The following FAM20C variants were observed in gnomAD, a reference collection of about 807,000 sequenced individuals.
The protein encoded by FAM20C is extracellular serine/threonine protein kinase FAM20C.
FAM20C carries 40 observed loss-of-function variants against 51.5 expected under a neutral mutation model. The ratio of observed to expected loss-of-function variants is 0.78; its 90% confidence interval spans 0.60 to 1.01. FAM20C has a LOEUF of 1.01. Among genes scored for constraint, FAM20C ranks in the 50% least tolerant of loss-of-function variants. The pLI, the probability that FAM20C is intolerant of heterozygous loss-of-function variation, is 0.00. For missense variants in FAM20C, 861 were observed against 844.7 expected (o/e 1.02, Z -0.24); for synonymous variants, 406 against 380.6 (o/e 1.07, Z -0.78).
intron 2 of FAM20C, among the ~76,000 whole-genome samples, chr7:200,435 G>C (rs1354836812): frequency 6.6e-6 from 1 of 152,196 alleles, no homozygotes; most frequent in South Asian, 2.1e-4. Flanking sequence ...AGCTCAGTCC[G>C]CACTCAACTC....
chr7:233,354 C>T (rs1350600472), intron 3 of FAM20C, among the ~76,000 whole-genome samples: 2 of 152,224 alleles, frequency 1.3e-5, no homozygotes, highest in African/African-American at 4.8e-5. Flanking sequence ...AATTTCACAG[C>T]CTTTCCAGCT....
intron 2 of FAM20C, among the ~76,000 whole-genome samples, chr7:206,583 G>A (rs1316630756): frequency 1.3e-4 from 13 of 102,750 alleles, no homozygotes; most frequent in South Asian, 3.3e-4. Flanking sequence ...CCTCAGCCCC[G>A]CACACGTGCT....
rs1423232435 is a variant in FAM20C at position 216,849 on chromosome 7, C to A, written c.863+7873C>A. 2.0e-5 allele frequency among the ~76,000 whole-genome samples: 3 copies of A among 152,086 alleles called. No individual in the cohort carries two copies. In the South Asian group the frequency reaches 6.2e-4, roughly 31 times the overall value. On this transcript the variant is annotated intron_variant, in intron 3 of 9. Transcript: ENST00000313766. ...GGCTTGCGGGGCTGACACAGTATTT[C>A]TAGATGCAGAAACTTTAGCCCTCCT...
intron 3 of FAM20C, among the ~76,000 whole-genome samples, chr7:212,714 C>T (rs969463939): frequency 1.3e-5 from 2 of 152,178 alleles, no homozygotes; most frequent in Non-Finnish European, 2.9e-5. Context: ...CTGAAAAGCA[C>T]GTAGCCGGCA....
In FAM20C at chr7:240,309, GTGA is replaced by G. The variant is rs1787896544; in HGVS notation, c.864-6097_864-6095del. On this transcript the variant is annotated intron_variant, in intron 3 of 9. Transcript: ENST00000313766. ...GATCATGGTAGAGGTAATAGTGATA[GTGA>G]TGATGATGGTGGTGGAGGTGATGAT... Among the ~76,000 whole-genome samples the G allele has an allele frequency of 5.9e-5, 9 of 152,400 alleles. No homozygotes were observed. The South Asian group carries it at 1.4e-3, about 25-fold the overall frequency.
chr7:255,042 G>A (rs144213418), intron 5 of FAM20C, among the ~76,000 whole-genome samples: 9,219 of 152,260 alleles, frequency 0.061, 441 homozygotes, highest in African/African-American at 0.13. Context: ...GGTGAGCGGT[G>A]CTGCTGTGAG....
At chr7:227,215 T>C (rs1787482054) in intron 3 of FAM20C, among the ~76,000 whole-genome samples, 1 of 151,892 alleles carries the variant, frequency 6.6e-6, no homozygotes, top group Non-Finnish European at 1.5e-5. Context: ...GTGCCGCTAG[T>C]GTGTGGGCCA....
rs1312202228 is a variant in FAM20C at position 192,609 on chromosome 7, C to T, written c.-591C>T. ...AGGCGGGAGCTGCGCTCGGGGCGGCCGCTGCACCTGCCCGGGACCCCGCCG... is the reference window on the plus strand; with the variant it reads ...AGGCGGGAGCTGCGCTCGGGGCGGCTGCTGCACCTGCCCGGGACCCCGCCG... On this transcript the variant is annotated 5_prime_UTR_variant, in exon 1 of 10. Transcript: ENST00000313766. 1.3e-5 allele frequency among the ~76,000 whole-genome samples: 2 copies of T among 150,430 alleles called. No individual in the cohort carries two copies. Among genetic ancestry groups the T allele is most frequent in the Admixed American group, 1.3e-4 (2 of 15,136 alleles).
At chr7:223,753 G>A (rs1215650545) in intron 3 of FAM20C, among the ~76,000 whole-genome samples, 3 of 152,250 alleles carry the variant, frequency 2.0e-5, no homozygotes, top group South Asian at 2.1e-4. Context: ...GGTAGAGGAC[G>A]TTCACGTTGC....
chr7:212,611 G>A (rs1210476817), intron 3 of FAM20C, among the ~76,000 whole-genome samples: 4 of 151,800 alleles, frequency 2.6e-5, no homozygotes, highest in East Asian at 1.9e-4. Context: ...GTGAGGGGCC[G>A]GCGGTGAGGT....
chr7:231,073 A>G (rs1787654380), intron 3 of FAM20C, among the ~76,000 whole-genome samples: 1 of 152,262 alleles, frequency 6.6e-6, no homozygotes, highest in South Asian at 2.1e-4. Context: ...GACACAGGCC[A>G]GGGTGGTCCA....
chr7:242,001 C>T (rs2115134755), intron 3 of FAM20C, among the ~76,000 whole-genome samples: 1 of 152,302 alleles, frequency 6.6e-6, no homozygotes, highest in Admixed American at 6.5e-5. Context: ...CCAGGCCCAG[C>T]CCCATGCCAA....
At chr7:246,703 A>C in intron 4 of FAM20C, among the ~76,000 whole-genome samples, 196 bp downstream of exon 4, 1 of 115,608 alleles carries the variant, frequency 8.6e-6, no homozygotes, top group African/African-American at 2.8e-5. Flanking sequence ...CTTTGTCACC[A>C]TCAGGCAGCG....
rs551946395 is a variant in FAM20C at position 215,231 on chromosome 7, G to T, written c.863+6255G>T. Among the ~76,000 whole-genome samples the T allele has an allele frequency of 6.5e-4, 81 of 124,710 alleles. 2 individuals are homozygous for T. Among genetic ancestry groups the T allele is most frequent in the Middle Eastern group, 4.0e-3 (1 of 250 alleles). The allele number at this position is 124,710 out of a possible 152,430, so 81.8% of individuals were successfully genotyped here. The stretch of plus-strand genomic sequence containing the variant: ...CACAGAGTTTAGAGGCTCCAGCTGG[G>T]GGGGGGAGCAGGGCCCCTGGTGTAT... On this transcript the variant is annotated intron_variant, in intron 3 of 9. Coordinates refer to ENST00000313766, the MANE Select transcript of FAM20C (RefSeq NM_020223.4).
chr7:214,999 C>T (rs1248968900), intron 3 of FAM20C, among the ~76,000 whole-genome samples: 1 of 152,060 alleles, frequency 6.6e-6, no homozygotes, highest in East Asian at 1.9e-4. Flanking sequence ...GTGGTCTGAC[C>T]TCTGGACGTG....
intron 4 of FAM20C, among the ~76,000 whole-genome samples, chr7:247,807 C>T (rs1017871114): frequency 2.0e-5 from 3 of 152,212 alleles, no homozygotes; most frequent in South Asian, 2.1e-4. Context: ...CACGCAGAGG[C>T]GTGGTCGGGC....
intron 3 of FAM20C, among the ~76,000 whole-genome samples, chr7:241,595 T>A (rs1787948354): frequency 6.6e-6 from 1 of 151,538 alleles, no homozygotes; most frequent in African/African-American, 2.4e-5. Flanking sequence ...CCTGCGAGTG[T>A]GCATATATGT....
chr7:223,031 GTGTA>G (rs1024032957), intron 3 of FAM20C, among the ~76,000 whole-genome samples: 2 of 80,576 alleles, frequency 2.5e-5, no homozygotes, highest in South Asian at 6.0e-4. Flanking sequence ...GCCCGTGCAT[GTGTA>G]TGTGAGGGCG....
intron 3 of FAM20C, among the ~76,000 whole-genome samples, chr7:216,632 A>T (rs977250672): frequency 3.1e-5 from 4 of 129,008 alleles, no homozygotes; most frequent in African/African-American, 1.6e-4. Context: ...AGTGTGTGTG[A>T]GTGTGTGTGA....
Sources: gnomAD v4.1 joint callset for allele counts (sites outside exome capture counted in the v4.1 genomes callset) on GRCh38, gnomAD v4.1.1 for gene constraint, MANE v1.5 for transcripts, NCBI Gene and HGNC (gene_info 2026-07-23, HGNC 2026-07-21) for gene names.